The following RAPGEF4 variants were observed in gnomAD, a reference collection of about 807,000 sequenced individuals.
The protein encoded by RAPGEF4 is Rap guanine nucleotide exchange factor 4.
Under a neutral mutation model 147.9 loss-of-function variants are expected in RAPGEF4, and 66 were observed. The ratio of observed to expected loss-of-function variants is 0.45; its 90% CI spans 0.37 to 0.55. RAPGEF4 has a LOEUF of 0.55. RAPGEF4 is among the 20% of genes least tolerant of loss of function. The pLI, the probability that RAPGEF4 is intolerant of heterozygous loss-of-function variation, is 0.00. For missense variants in RAPGEF4, 1,071 were observed against 1,257.3 expected, an observed-to-expected ratio of 0.85 and a Z score of 2.24; for synonymous variants, 419 against 442.7, an observed-to-expected ratio of 0.95 and a Z score of 0.67.
At chr2:172,834,680 A>C (rs1019251891) in intron 4 of RAPGEF4, among the ~76,000 whole-genome samples, 5 of 152,190 alleles carry the variant, frequency 3.3e-5, no homozygotes, top group Non-Finnish European at 7.3e-5. Flanking sequence ...ACATTCTGCA[A>C]ATATTCCAAA....
chr2:172,868,458 A>G (rs1372101661), intron 4 of RAPGEF4, among the ~76,000 whole-genome samples: 5 of 152,328 alleles, frequency 3.3e-5, no homozygotes, highest in South Asian at 2.1e-4. Context: ...CTATGTTTTA[A>G]TAAGAGAAAA....
chr2:172,794,488 A>G (rs1686176026), intron 1 of RAPGEF4, among the ~76,000 whole-genome samples: 1 of 152,218 alleles, frequency 6.6e-6, no homozygotes, highest in Non-Finnish European at 1.5e-5. Context: ...CAGCCAAATA[A>G]GAGCTGCTCC....
intron 6 of RAPGEF4, among the ~76,000 whole-genome samples, chr2:172,923,219 A>C (rs1170511797): frequency 1.3e-5 from 2 of 152,144 alleles, no homozygotes; most frequent in South Asian, 2.1e-4. Context: ...ACTGGTTGGG[A>C]ATTCTAGCCC....
At chr2:172,768,450 C>T (rs1300915992) in intron 1 of RAPGEF4, among the ~76,000 whole-genome samples, 2 of 150,952 alleles carry the variant, frequency 1.3e-5, no homozygotes, top group Non-Finnish European at 2.9e-5. Context: ...TTGAACAATT[C>T]CAATAGGAAG....
chr2:172,739,820 G>A (rs533842906), intron 1 of RAPGEF4, among the ~76,000 whole-genome samples: 12 of 152,290 alleles, frequency 7.9e-5, no homozygotes, highest in Non-Finnish European at 1.3e-4. Flanking sequence ...GTAGTATAGC[G>A]ACTCATTGCT....
Position 173,036,655 on chromosome 2 carries a change from A to C in RAPGEF4, c.2816A>C (p.Lys939Thr), listed in dbSNP as rs762393121. 5 of 1,612,048 alleles carry C rather than the reference A, an allele frequency of 3.1e-6. No homozygotes were observed. In the Admixed American group the frequency reaches 8.4e-5, roughly 27 times the overall value. Residue 939 changes from lysine (K) to threonine (T), a missense_variant, in exon 29 of 31, where the codon AAG becomes ACG. Coordinates refer to ENST00000397081, the MANE Select transcript of RAPGEF4 (RefSeq NM_007023.4). ...KDMTFTHEGN[K>T]TFIDNLVNFE... ...ATGACATTTACTCATGAGGGGAACA[A>C]GACGTTCATTGACAATCTAGTAAAC...
At chr2:172,740,423 G>T (rs1452417932) in intron 1 of RAPGEF4, among the ~76,000 whole-genome samples, 1 of 152,212 alleles carries the variant, frequency 6.6e-6, no homozygotes, top group African/African-American at 2.4e-5. Flanking sequence ...GGCAGCAGAT[G>T]AATTTTTTTT....
At chr2:172,944,583 C>A (rs1337393064) in intron 6 of RAPGEF4, among the ~76,000 whole-genome samples, 3 of 152,110 alleles carry the variant, frequency 2.0e-5, no homozygotes, top group Non-Finnish European at 4.4e-5. Flanking sequence ...ATAAGGGAAG[C>A]AGATGGGATT....
intron 3 of RAPGEF4, among the ~76,000 whole-genome samples, chr2:172,811,491 C>T (rs539805470): frequency 2.6e-5 from 4 of 152,316 alleles, no homozygotes; most frequent in East Asian, 1.9e-4. Context: ...CAGATGGCCT[C>T]GCTGAATATT....
chr2:172,900,883 C>A (rs73977727), intron 4 of RAPGEF4, among the ~76,000 whole-genome samples: 1 of 152,234 alleles, frequency 6.6e-6, no homozygotes, highest in African/African-American at 2.4e-5. Context: ...AAACTGTCAA[C>A]GACTAAAGTT....
rs755913519 is a variant in RAPGEF4, at chr2:173,017,477, C to T, written c.1981C>T (p.Arg661Cys). The T allele has an allele frequency of 9.9e-6, 16 of 1,614,016 alleles. No individual in the cohort carries two copies. The highest frequency in any genetic ancestry group is 1.6e-4 in the Middle Eastern group (1 of 6,078). The change falls in exon 21 of 31, where the codon CGC becomes TGC. Residue 661 changes from arginine to cysteine, a missense_variant. Coordinates refer to ENST00000397081, the MANE Select transcript of RAPGEF4 (RefSeq NM_007023.4). ...FNTGDERAQK[R>C]QPIRGSDEVL... Reference sequence around the variant, plus strand: ...TACGGGCGATGAGAGAGCCCAGAAGCGCCAGCCTATCCGCGGCTCTGATGA... The same window carrying T: ...TACGGGCGATGAGAGAGCCCAGAAGTGCCAGCCTATCCGCGGCTCTGATGA...
intron 17 of RAPGEF4, among the ~76,000 whole-genome samples, chr2:173,014,251 A>G (rs1695295755): frequency 6.6e-6 from 1 of 152,190 alleles, no homozygotes; most frequent in South Asian, 2.1e-4. Flanking sequence ...TCCCTTGGGC[A>G]ACTATCAGGC....
chr2:172,895,909 G>A (rs2149929573), intron 4 of RAPGEF4, among the ~76,000 whole-genome samples: 1 of 152,268 alleles, frequency 6.6e-6, no homozygotes, highest in African/African-American at 2.4e-5. Flanking sequence ...ACCCACTTTT[G>A]ATCTGATTCC....
At chr2:172,813,442 A>G (rs2149601371) in intron 3 of RAPGEF4, among the ~76,000 whole-genome samples, 1 of 152,362 alleles carries the variant, frequency 6.6e-6, no homozygotes. Context: ...ATGACATTTT[A>G]TAAGCTAGTC....
At chr2:172,775,983 C>A (rs1684125045) in intron 1 of RAPGEF4, among the ~76,000 whole-genome samples, 1 of 152,086 alleles carries the variant, frequency 6.6e-6, no homozygotes, top group African/African-American at 2.4e-5. Context: ...AGCCAGAATC[C>A]TAAGTGTATT....
chr2:172,778,853 C>A (rs1282840581), intron 1 of RAPGEF4, among the ~76,000 whole-genome samples: 1 of 151,906 alleles, frequency 6.6e-6, no homozygotes, highest in African/African-American at 2.4e-5. Flanking sequence ...TATAAATAAG[C>A]TGTTATTCAT....
intron 4 of RAPGEF4, among the ~76,000 whole-genome samples, chr2:172,830,679 C>A (rs1444975812): frequency 1.3e-5 from 2 of 152,190 alleles, no homozygotes; most frequent in African/African-American, 4.8e-5. Flanking sequence ...TCACGGCTCG[C>A]TGTAGTCTTG....
intron 4 of RAPGEF4, among the ~76,000 whole-genome samples, chr2:172,888,955 A>T (rs1434942456): frequency 6.6e-6 from 1 of 152,178 alleles, no homozygotes; most frequent in Non-Finnish European, 1.5e-5. Flanking sequence ...GTAACCACTT[A>T]TAGGGTAATA....
chr2:172,818,363 A>G (rs1280352101), intron 4 of RAPGEF4, among the ~76,000 whole-genome samples: 1 of 152,186 alleles, frequency 6.6e-6, no homozygotes, highest in Non-Finnish European at 1.5e-5. Context: ...ACACTAAAAT[A>G]TATATCATGC....
Sources: allele counts gnomAD v4.1 joint callset (sites outside exome capture counted in the v4.1 genomes callset), GRCh38; gene constraint gnomAD v4.1.1; transcripts MANE v1.5; gene names NCBI Gene and HGNC (gene_info 2026-07-23, HGNC 2026-07-21).